FUT9: variants seen among roughly 807,000 people sequenced by gnomAD.
The protein encoded by FUT9 is fucosyltransferase 9.
A neutral mutation model predicts 29.7 loss-of-function variants in FUT9; 15 were observed. The ratio of observed to expected loss-of-function variants is 0.51; its 90% CI spans 0.34 to 0.78. The LOEUF (loss-of-function observed/expected upper bound fraction) is 0.78, where lower values mean the gene tolerates loss of function less well. FUT9 is among the 30% of genes least tolerant of loss of function. The pLI, the probability that FUT9 is intolerant of heterozygous loss-of-function variation, is 0.01. For missense variants in FUT9, 319 were observed against 425.4 expected, an observed-to-expected ratio of 0.75 and a Z score of 2.20; for synonymous variants, 169 against 153.7, an observed-to-expected ratio of 1.10 and a Z score of -0.74.
intron 2 of FUT9, among the ~76,000 whole-genome samples, chr6:96,190,551 A>G (rs1000821133): frequency 6.6e-6 from 1 of 152,070 alleles, no homozygotes; most frequent in Non-Finnish European, 1.5e-5. Context: ...TACCAATCAG[A>G]TGTAGATTTG....
At chr6:96,079,174 G>C (rs1056791054) in intron 1 of FUT9, among the ~76,000 whole-genome samples, 1 of 152,106 alleles carries the variant, frequency 6.6e-6, no homozygotes, top group Admixed American at 6.5e-5. Flanking sequence ...ATTTTCAAAG[G>C]TGGGGAAGGG....
At chr6:96,163,267 C>G (rs1253191462) in intron 2 of FUT9, among the ~76,000 whole-genome samples, 1 of 140,916 alleles carries the variant, frequency 7.1e-6, no homozygotes, top group African/African-American at 2.5e-5. Context: ...ACAGCAGTAA[C>G]TACTTCCAAG....
At chr6:96,158,350 A>C (rs1475061361) in intron 2 of FUT9, among the ~76,000 whole-genome samples, 1 of 152,118 alleles carries the variant, frequency 6.6e-6, no homozygotes, top group Non-Finnish European at 1.5e-5. Context: ...TATACAAAGT[A>C]AGTTAAATTT....
intron 2 of FUT9, among the ~76,000 whole-genome samples, chr6:96,169,689 T>C (rs977512543): frequency 3.3e-5 from 5 of 152,174 alleles, no homozygotes; most frequent in African/African-American, 1.2e-4. Flanking sequence ...TTCGGCAGTA[T>C]AATTAAGCCT....
At chr6:96,060,011 A>G (rs765375260) in intron 1 of FUT9, among the ~76,000 whole-genome samples, 3 of 152,236 alleles carry the variant, frequency 2.0e-5, no homozygotes, top group Non-Finnish European at 4.4e-5. Context: ...AAAAGAGGAT[A>G]CATAAAAACA....
intron 2 of FUT9, among the ~76,000 whole-genome samples, chr6:96,155,231 G>A (rs1287314543): frequency 1.3e-5 from 2 of 151,962 alleles, no homozygotes; most frequent in Admixed American, 6.6e-5. Flanking sequence ...GTTAGAAGGG[G>A]TAAAAAAAAC....
chr6:96,128,347 CA>C (rs1772170608), intron 2 of FUT9, among the ~76,000 whole-genome samples: 1 of 152,072 alleles, frequency 6.6e-6, no homozygotes, highest in Non-Finnish European at 1.5e-5. Flanking sequence ...AGTCATTTCA[CA>C]AAGGAAATAA....
At chr6:96,116,620 T>C (rs975923924) in intron 2 of FUT9, among the ~76,000 whole-genome samples, 2 of 152,204 alleles carry the variant, frequency 1.3e-5, no homozygotes, top group South Asian at 4.1e-4. Context: ...AAGGAAAGTA[T>C]TGATTTATGC....
Position 96,215,443 on chromosome 6 carries a change from T to C in FUT9, c.*11208T>C, listed in dbSNP as rs920547409. 6.0e-6 allele frequency: 1 copy of C among 166,814 alleles called. No homozygotes were observed. Among genetic ancestry groups the C allele is most frequent in the Admixed American group, 6.6e-5 (1 of 15,266 alleles). The allele number at this position is 166,814 out of a possible 1,614,324, so 10.3% of individuals were successfully genotyped here. A position where few individuals can be genotyped will look rare whatever the true frequency, so the allele number is the denominator to read the frequency against. On this transcript the variant is annotated 3_prime_UTR_variant, in exon 3 of 3. Transcript: ENST00000302103. Reference sequence around the variant, plus strand: ...AATGTATAAAGGATTTGAGCCTGTATGTGTAAGAAGAAACTCTCTCTTCAG... The same window carrying C: ...AATGTATAAAGGATTTGAGCCTGTACGTGTAAGAAGAAACTCTCTCTTCAG...
intron 2 of FUT9, among the ~76,000 whole-genome samples, chr6:96,144,189 G>A (rs1772521381): frequency 6.7e-6 from 1 of 149,962 alleles, no homozygotes. Context: ...TGCTTTTGGG[G>A]GAAGTTAGTT....
intron 2 of FUT9, among the ~76,000 whole-genome samples, chr6:96,178,030 C>A (rs1156891113): frequency 5.3e-5 from 8 of 152,172 alleles, no homozygotes; most frequent in Non-Finnish European, 4.4e-5. Context: ...AAGAGCATCA[C>A]ACTTAAGAAC....
rs868513186 is a variant in FUT9, at chr6:96,082,075, T to C, written c.-97-31964T>C. ...CTCAACACTATAGTCATTTGTTTAA[T>C]CCACTTTTATAAATACCTTCTTCCA... On this transcript the variant is annotated intron_variant, in intron 1 of 2. Coordinates refer to ENST00000302103, the MANE Select transcript of FUT9 (RefSeq NM_006581.4). 3.3e-5 allele frequency among the ~76,000 whole-genome samples: 5 copies of C among 151,960 alleles called. No individual in the cohort carries two copies. In the Middle Eastern group the frequency reaches 0.014, roughly 413 times the overall value.
intron 2 of FUT9, among the ~76,000 whole-genome samples, chr6:96,167,132 G>T (rs1029950415): frequency 1.3e-5 from 2 of 152,044 alleles, no homozygotes; most frequent in African/African-American, 4.8e-5. Context: ...ATGTAAAATG[G>T]TTATTTTAAG....
intron 1 of FUT9, among the ~76,000 whole-genome samples, chr6:96,033,120 G>A (rs1467358431): frequency 1.3e-5 from 2 of 151,528 alleles, no homozygotes; most frequent in African/African-American, 4.8e-5. Context: ...TACACCTTAT[G>A]CAGATAAAAA....
chr6:96,137,263 A>G (rs1456282522), intron 2 of FUT9, among the ~76,000 whole-genome samples: 2 of 152,236 alleles, frequency 1.3e-5, no homozygotes, highest in Non-Finnish European at 2.9e-5. Context: ...GTAACGCATA[A>G]AGGAGTAATT....
intron 1 of FUT9, among the ~76,000 whole-genome samples, chr6:96,048,125 C>T (rs1020351469): frequency 1.3e-5 from 2 of 152,070 alleles, no homozygotes; most frequent in Non-Finnish European, 2.9e-5. Flanking sequence ...AGATACGTTC[C>T]TCTGACCACA....
chr6:96,062,640 A>G (rs1770896339), intron 1 of FUT9, among the ~76,000 whole-genome samples: 1 of 152,180 alleles, frequency 6.6e-6, no homozygotes, highest in Non-Finnish European at 1.5e-5. Flanking sequence ...GGATGGAGAG[A>G]GGAAAACCTA....
At chr6:96,158,203 A>C (rs1038811822) in intron 2 of FUT9, among the ~76,000 whole-genome samples, 1 of 151,834 alleles carries the variant, frequency 6.6e-6, no homozygotes, top group Admixed American at 6.6e-5. Context: ...ACTCTCAAAG[A>C]CTCCATTTCT....
chr6:96,211,207 TG>T lies in FUT9; in HGVS notation c.*6974del, dbSNP rs1272991543. On this transcript the variant is annotated 3_prime_UTR_variant, in exon 3 of 3. Coordinates refer to ENST00000302103, the MANE Select transcript of FUT9 (RefSeq NM_006581.4). ...AAGGGGTGTGAGGAGCTGGCAGTGG[TG>T]GTGAATAGGCATTGTTTGCATTACT... 1 of 166,724 alleles carries T rather than the reference TG, an allele frequency of 6.0e-6. No individual in the cohort carries two copies. Among genetic ancestry groups the T allele is most frequent in the Non-Finnish European group, 1.5e-5 (1 of 68,008 alleles). The allele number at this position is 166,724 out of a possible 1,614,324, so 10.3% of individuals were successfully genotyped here. A position where few individuals can be genotyped will look rare whatever the true frequency, so the allele number is the denominator to read the frequency against.
Sources: gnomAD v4.1 joint callset for allele counts (sites outside exome capture counted in the v4.1 genomes callset) on GRCh38, gnomAD v4.1.1 for gene constraint, MANE v1.5 for transcripts, NCBI Gene and HGNC (gene_info 2026-07-23, HGNC 2026-07-21) for gene names.